The following C9orf153 variants were observed in gnomAD, a reference collection of about 807,000 sequenced individuals.
C9orf153 encodes the protein uncharacterized protein C9orf153.
C9orf153 carries 10 observed loss-of-function variants against 9.0 expected under a neutral mutation model. That is an observed-to-expected ratio of 1.11 (90% CI 0.69 to 1.89). C9orf153 has a LOEUF of 1.89. Among genes scored for constraint, C9orf153 ranks in the 40% most tolerant of loss-of-function variants. The probability of loss-of-function intolerance (pLI) is 0.00; values close to 1 mark genes in which losing one functional copy is unlikely to be tolerated. For missense variants in C9orf153, 108 were observed against 111.0 expected, an observed-to-expected ratio of 0.97 and a Z score of 0.12; for synonymous variants, 35 against 37.3, an observed-to-expected ratio of 0.94 and a Z score of 0.23.
At chr9:86,234,270 T>C (rs556140552) in intron 1 of C9orf153, among the ~76,000 whole-genome samples, 2 of 152,340 alleles carry the variant, frequency 1.3e-5, no homozygotes, top group Non-Finnish European at 2.9e-5. Flanking sequence ...CCTTCTCTTT[T>C]ATGACAATCT....
chr9:86,242,484 T>C (rs756556508), intron 1 of C9orf153, among the ~76,000 whole-genome samples: 3 of 152,198 alleles, frequency 2.0e-5, no homozygotes, highest in Non-Finnish European at 4.4e-5. Flanking sequence ...CTGGCTGCCA[T>C]GTACAGCTTA....
chr9:86,236,939 TAA>T (rs57214746), intron 1 of C9orf153, among the ~76,000 whole-genome samples: 10 of 79,966 alleles, frequency 1.3e-4, no homozygotes, highest in African/African-American at 1.6e-4. Context: ...CGTCTCTAAA[TAA>T]AAAAAAAAAA....
At chr9:86,241,363 C>A (rs1824740052) in intron 1 of C9orf153, among the ~76,000 whole-genome samples, 1 of 73,678 alleles carries the variant, frequency 1.4e-5, no homozygotes, top group African/African-American at 5.3e-5. Flanking sequence ...AGATACTCAT[C>A]TTCTTTTCTC....
intron 1 of C9orf153, among the ~76,000 whole-genome samples, chr9:86,243,934 T>A (rs561111798): frequency 3.9e-5 from 6 of 152,314 alleles, no homozygotes; most frequent in African/African-American, 1.4e-4. Flanking sequence ...ACATAGCTGT[T>A]CATAAGGCCA....
intron 3 of C9orf153, among the ~76,000 whole-genome samples, chr9:86,222,102 A>T (rs1420684642): frequency 1.3e-5 from 2 of 151,838 alleles, no homozygotes; most frequent in African/African-American, 4.8e-5. Flanking sequence ...TGGCCAGGCT[A>T]GTCTCAAACT....
intron 1 of C9orf153, among the ~76,000 whole-genome samples, chr9:86,241,666 G>T (rs532899853): frequency 6.6e-6 from 1 of 151,830 alleles, no homozygotes; most frequent in African/African-American, 2.4e-5. Flanking sequence ...TTGCTCTGTC[G>T]TCCAGGCTGG....
rs556790167 is a variant in C9orf153, at chr9:86,258,662, T to G, written c.-27+888A>C. On this transcript the variant is annotated intron_variant, in intron 1 of 3. Transcript: ENST00000339137. ...CCTCACATCCGGAAATAATTGCTTT[T>G]AAAACGCAATATTTGAAAACCTGAA... is the stretch of plus-strand genomic sequence containing the variant. The G allele has an allele frequency of 3.9e-5, 6 of 152,338 alleles. No homozygotes were observed. The South Asian group carries it at 1.2e-3, about 32-fold the overall frequency. The allele number at this position is 152,338 out of a possible 1,614,324, so 9.4% of individuals were successfully genotyped here. A position where few individuals can be genotyped will look rare whatever the true frequency, so the allele number is the denominator to read the frequency against.
rs1419790548 is a variant in C9orf153 at position 86,227,715 on chromosome 9, T to C, written c.242+140A>G. On this transcript the variant is annotated intron_variant, in intron 3 of 3. Transcript: ENST00000339137. ...AGAATTTCATAAGGAAAAGTGTGCT[T>C]GGGAGGGGAGATCCCACACTGTGAC... The C allele has an allele frequency of 7.9e-6, 11 of 1,389,192 alleles. No homozygotes were observed. The Admixed American group carries it at 2.9e-4, about 37-fold the overall frequency. 86.1% of individuals were successfully genotyped at this position (1,389,192 alleles called of 1,614,324 possible). A position where few individuals can be genotyped will look rare whatever the true frequency, so the allele number is the denominator to read the frequency against.
chr9:86,248,070 AT>A (rs1824908020), intron 1 of C9orf153, among the ~76,000 whole-genome samples: 1 of 152,102 alleles, frequency 6.6e-6, no homozygotes, highest in South Asian at 2.1e-4. Flanking sequence ...TTCTCCAGAG[AT>A]TTCCATTTGT....
At chr9:86,246,506 G>A (rs562314310) in intron 1 of C9orf153, among the ~76,000 whole-genome samples, 39 of 152,138 alleles carry the variant, frequency 2.6e-4, no homozygotes, top group African/African-American at 8.7e-4. Flanking sequence ...GAAGACCCTC[G>A]GGGCCGCAAG....
chr9:86,257,976 C>T (rs1037526309), intron 1 of C9orf153, among the ~76,000 whole-genome samples: 8 of 152,160 alleles, frequency 5.3e-5, no homozygotes, highest in African/African-American at 7.2e-5. Flanking sequence ...ATATTAGATG[C>T]GGAGGCCAGA....
intron 1 of C9orf153, among the ~76,000 whole-genome samples, chr9:86,247,677 C>CTAAA (rs1302323297): frequency 2.6e-5 from 4 of 152,116 alleles, no homozygotes; most frequent in African/African-American, 9.7e-5. Flanking sequence ...GAGACCCTTT[C>CTAAA]TAAATAAATA....
intron 3 of C9orf153, among the ~76,000 whole-genome samples, chr9:86,223,733 GGCT>G (rs894736920): frequency 9.8e-5 from 15 of 152,304 alleles, no homozygotes; most frequent in Admixed American, 7.9e-4. Context: ...GTGTCAATGT[GGCT>G]CTTCATCCTA....
At chr9:86,239,040 T>C (rs919756762) in intron 1 of C9orf153, among the ~76,000 whole-genome samples, 2 of 151,420 alleles carry the variant, frequency 1.3e-5, no homozygotes, top group African/African-American at 4.9e-5. Flanking sequence ...GGAGGGCTGA[T>C]CTCGAGGTCA....
chr9:86,237,538 C>A (rs552615850), intron 1 of C9orf153, among the ~76,000 whole-genome samples: 1 of 152,280 alleles, frequency 6.6e-6, no homozygotes, highest in East Asian at 1.9e-4. Context: ...CTGCCTCAGC[C>A]TCCCAAGTAG....
At chr9:86,226,084 G>A (rs1824324450) in intron 3 of C9orf153, among the ~76,000 whole-genome samples, 1 of 152,014 alleles carries the variant, frequency 6.6e-6, no homozygotes, top group Non-Finnish European at 1.5e-5. Context: ...TTTCCTCTCT[G>A]GTCCCAGGCT....
At chr9:86,225,985 ATG>A (rs1824322052) in intron 3 of C9orf153, among the ~76,000 whole-genome samples, 1 of 152,184 alleles carries the variant, frequency 6.6e-6, no homozygotes, top group Non-Finnish European at 1.5e-5. Flanking sequence ...AAAGTCATAA[ATG>A]TTCAAGACCT....
intron 1 of C9orf153, among the ~76,000 whole-genome samples, chr9:86,249,029 A>C (rs1338144986): frequency 1.3e-5 from 2 of 152,230 alleles, no homozygotes; most frequent in Non-Finnish European, 2.9e-5. Context: ...GATGTCTTTA[A>C]AAGCAAATTC....
rs753022022 is a variant in C9orf153 at position 86,228,019 on chromosome 9, T to C, written c.78A>G (p.Leu26=). ...TATTAAAATTCTCAATACATGCATATAATTCTGGAAGCTGTGGACAAAAAA... is the reference window on the plus strand; with the variant it reads ...TATTAAAATTCTCAATACATGCATACAATTCTGGAAGCTGTGGACAAAAAA... ...ATLPQCSLPE[L]YACIENFNKE... The change falls in exon 3 of 4, where the codon TTA becomes TTG. Residue 26 remains leucine, a synonymous_variant. Coordinates refer to ENST00000339137, the MANE Select transcript of C9orf153 (RefSeq NM_001276366.4). 2.4e-5 allele frequency: 39 copies of C among 1,601,256 alleles called. No homozygotes were observed. Among genetic ancestry groups the C allele is most frequent in the Non-Finnish European group, 2.9e-5 (34 of 1,174,402 alleles).
Sources: allele counts gnomAD v4.1 joint callset (sites outside exome capture counted in the v4.1 genomes callset), GRCh38; gene constraint gnomAD v4.1.1; transcripts MANE v1.5; gene names NCBI Gene and HGNC (gene_info 2026-07-23, HGNC 2026-07-21).